The following RFX3 variants were observed in gnomAD, a reference collection of about 807,000 sequenced individuals.
RFX3 encodes the protein regulatory factor X3.
A neutral mutation model predicts 98.6 loss-of-function variants in RFX3; 14 were observed. The ratio of observed to expected loss-of-function variants is 0.14; its 90% CI spans 0.09 to 0.22. The LOEUF (loss-of-function observed/expected upper bound fraction) is 0.22. Among genes scored for constraint, RFX3 ranks in the 10% least tolerant of loss-of-function variants. The pLI, the probability that RFX3 is intolerant of heterozygous loss-of-function variation, is 1.00. For synonymous variants in RFX3, 383 were observed against 328.4 expected (o/e 1.17, Z -1.80); for missense variants, 639 against 926.9 (o/e 0.69, Z 4.03).
chr9:3,414,450 C>G (rs1341819847), intron 1 of RFX3, among the ~76,000 whole-genome samples: 1 of 151,120 alleles, frequency 6.6e-6, no homozygotes, highest in Non-Finnish European at 1.5e-5. Context: ...TGCTGTCCTA[C>G]CAAAAGGGCA....
chr9:3,228,018 C>T lies in RFX3; in HGVS notation c.2011+829G>A, dbSNP rs569767544. 7.2e-5 allele frequency among the ~76,000 whole-genome samples: 11 copies of T among 152,234 alleles called. No individual in the cohort carries two copies. In the East Asian group the frequency reaches 7.7e-4, roughly 11 times the overall value. On this transcript the variant is annotated intron_variant, in intron 16 of 16. Transcript: ENST00000617270. Reference sequence around the variant, plus strand: ...TTTTTGTGCATTTTGTACCTGTCGCCGATAGTCAATAACCGTAACAATTCT... The same window carrying T: ...TTTTTGTGCATTTTGTACCTGTCGCTGATAGTCAATAACCGTAACAATTCT...
intron 3 of RFX3, among the ~76,000 whole-genome samples, chr9:3,341,007 T>G (rs960781632): frequency 1.3e-5 from 2 of 152,116 alleles, no homozygotes; most frequent in South Asian, 4.1e-4. Context: ...ACCAACCCAA[T>G]TGTCCAACAA....
In RFX3 at chr9:3,256,995, A is replaced by G. The variant is rs762968227; in HGVS notation, c.1810T>C (p.Tyr604His). Reference protein sequence around the residue: ...ARQFLLKWSFYSSMVIRDLTL... With the variant: ...ARQFLLKWSFHSSMVIRDLTL... ...TAGGAAAAACCTAGATGATACCTGT[A>G]GAAAGACCATTTTAGCAGAAACTGC... Residue 604 changes from tyrosine to histidine, a missense_variant, in exon 14 of 17, where the codon TAC becomes CAC. Tyr to His is a moderately conservative substitution (Grantham distance 83). Coordinates refer to ENST00000617270, the MANE Select transcript of RFX3 (RefSeq NM_001282116.2). The G allele has an allele frequency of 6.2e-7, 1 of 1,614,042 alleles. No homozygotes were observed. The highest frequency in any genetic ancestry group is 8.5e-7 in the Non-Finnish European group (1 of 1,179,928).
At chr9:3,230,818 G>C (rs374887745) in intron 15 of RFX3, among the ~76,000 whole-genome samples, 1 of 152,184 alleles carries the variant, frequency 6.6e-6, no homozygotes, top group African/African-American at 2.4e-5. Context: ...CAAGTTGTTT[G>C]TAGTTAAGTT....
At chr9:3,499,950 C>T (rs751567815) in intron 1 of RFX3, among the ~76,000 whole-genome samples, 21 of 152,096 alleles carry the variant, frequency 1.4e-4, no homozygotes, top group Non-Finnish European at 2.8e-4. Context: ...CTTTAAATAA[C>T]CTGTCAACTG....
At position 3,324,431 on chromosome 9, in the gene RFX3, T is replaced by C. The variant is rs149211286; in HGVS notation, c.474+5828A>G. On this transcript the variant is annotated intron_variant, in intron 4 of 16. Coordinates refer to ENST00000617270, the MANE Select transcript of RFX3 (RefSeq NM_001282116.2). Reference sequence around the variant, plus strand: ...CCAATATTATTTCAACATTTTTTCCTCTGGTAAGATAGATGGGCAATTCAG... The same window carrying C: ...CCAATATTATTTCAACATTTTTTCCCCTGGTAAGATAGATGGGCAATTCAG... 1.1e-3 allele frequency among the ~76,000 whole-genome samples: 160 copies of C among 152,218 alleles called. 4 individuals carry two copies. The East Asian group carries it at 0.027, about 26-fold the overall frequency.
intron 1 of RFX3, among the ~76,000 whole-genome samples, chr9:3,426,085 T>C (rs139634195): frequency 5.9e-5 from 9 of 152,334 alleles, no homozygotes; most frequent in Admixed American, 2.0e-4. Flanking sequence ...GATTTACTTA[T>C]ATTTTATTTA....
At chr9:3,283,026 T>C (rs1826113456) in intron 7 of RFX3, among the ~76,000 whole-genome samples, 1 of 151,818 alleles carries the variant, frequency 6.6e-6, no homozygotes, top group African/African-American at 2.4e-5. Context: ...CATAAATTAC[T>C]ATAGTTTGGT....
At chr9:3,504,884 TATA>T (rs1437681686) in intron 1 of RFX3, among the ~76,000 whole-genome samples, 4 of 68,548 alleles carry the variant, frequency 5.8e-5, no homozygotes, top group East Asian at 8.2e-4. Context: ...ATATATTATA[TATA>T]ATATAACATA....
chr9:3,423,392 A>C (rs945855763), intron 1 of RFX3, among the ~76,000 whole-genome samples: 1 of 152,230 alleles, frequency 6.6e-6, no homozygotes, highest in Non-Finnish European at 1.5e-5. Context: ...ATATACATCA[A>C]GAGGTGAATG....
At chr9:3,266,414 C>A in intron 11 of RFX3, 109 bp from the exon 12 acceptor site, 1 of 548,550 alleles carries the variant, frequency 1.8e-6, no homozygotes, top group Non-Finnish European at 3.2e-6. Context: ...CAGCACAGAA[C>A]TCATATTGTC....
chr9:3,282,018 C>T (rs780630876), intron 7 of RFX3, among the ~76,000 whole-genome samples: 6 of 151,752 alleles, frequency 4.0e-5, no homozygotes, highest in Admixed American at 6.6e-5. Context: ...AAGGAGACAT[C>T]ATTATGTTTT....
At chr9:3,492,113 T>C (rs1239703866) in intron 1 of RFX3, among the ~76,000 whole-genome samples, 2 of 152,220 alleles carry the variant, frequency 1.3e-5, no homozygotes, top group Non-Finnish European at 2.9e-5. Flanking sequence ...CTTGGCAATG[T>C]GCTAGAAGGT....
intron 7 of RFX3, among the ~76,000 whole-genome samples, chr9:3,277,905 C>G (rs1457285616): frequency 6.6e-6 from 1 of 151,910 alleles, no homozygotes; most frequent in African/African-American, 2.4e-5. Flanking sequence ...AAAACATGAT[C>G]AGCCTACAAA....
intron 5 of RFX3, among the ~76,000 whole-genome samples, chr9:3,299,609 T>A (rs888347386): frequency 1.3e-5 from 2 of 151,722 alleles, no homozygotes; most frequent in East Asian, 3.9e-4. Context: ...CTGGGAGTTG[T>A]TAGCAGTATG....
intron 2 of RFX3, among the ~76,000 whole-genome samples, chr9:3,373,447 C>G (rs1202486529): frequency 6.6e-6 from 1 of 152,028 alleles, no homozygotes; most frequent in African/African-American, 2.4e-5. Flanking sequence ...TTCTTTGACA[C>G]CTATGTAGTT....
chr9:3,471,494 T>C (rs1020886259), intron 1 of RFX3, among the ~76,000 whole-genome samples: 3 of 152,338 alleles, frequency 2.0e-5, no homozygotes, highest in East Asian at 1.9e-4. Context: ...TTTGAAACAT[T>C]TCTATGCCTA....
intron 1 of RFX3, among the ~76,000 whole-genome samples, chr9:3,481,893 A>C (rs954878627): frequency 6.6e-6 from 1 of 152,162 alleles, no homozygotes; most frequent in Admixed American, 6.5e-5. Flanking sequence ...GACTGATTAT[A>C]TCCAGTGTCA....
chr9:3,377,567 C>G (rs1299744641), intron 2 of RFX3, among the ~76,000 whole-genome samples: 1 of 151,936 alleles, frequency 6.6e-6, no homozygotes, highest in Non-Finnish European at 1.5e-5. Context: ...TGCACATGTA[C>G]CCTAGAACTT....
Sources: gnomAD v4.1 joint callset for allele counts (sites outside exome capture counted in the v4.1 genomes callset) on GRCh38, gnomAD v4.1.1 for gene constraint, MANE v1.5 for transcripts, NCBI Gene and HGNC (gene_info 2026-07-23, HGNC 2026-07-21) for gene names.